Variants in TUBA1A observed in about 807,000 individuals in gnomAD.
TUBA1A encodes the protein tubulin alpha-1A chain.
TUBA1A carries 7 observed loss-of-function variants against 34.6 expected under a neutral mutation model. The observed-to-expected ratio is 0.20, with a 90% confidence interval of 0.11 to 0.38. The LOEUF (loss-of-function observed/expected upper bound fraction) is 0.38, where lower values mean the gene tolerates loss of function less well. Among genes scored for constraint, TUBA1A ranks in the 10% least tolerant of loss-of-function variants. TUBA1A has a pLI of 1.00. For missense variants in TUBA1A, 19 were observed against 581.3 expected, an observed-to-expected ratio of 0.03 and a Z score of 9.95; for synonymous variants, 193 against 210.2, an observed-to-expected ratio of 0.92 and a Z score of 0.71.
In TUBA1A at chr12:49,188,183, C is replaced by G; in HGVS notation, c.3+794G>C. 4.1e-6 allele frequency: 4 copies of G among 984,356 alleles called. No homozygotes were observed. The highest frequency in any genetic ancestry group is 4.8e-6 in the Non-Finnish European group (4 of 829,726). The allele number at this position is 984,356 out of a possible 1,614,324, so 61.0% of individuals were successfully genotyped here. A position where few individuals can be genotyped will look rare whatever the true frequency, so the allele number is the denominator to read the frequency against. ...GCTTGTGAAGTGAATTATGATTTTG[C>G]TCAAGAAAAAAAAAAGTCATCTAAC... On this transcript the variant is annotated intron_variant, in intron 1 of 3. Coordinates refer to ENST00000301071, the MANE Select transcript of TUBA1A (RefSeq NM_006009.4). This position sits in a 1 kb window ranked among gnomAD's most constrained non-coding sequence, Gnocchi z 4.9.
chr12:49,185,039 C>G lies in TUBA1A; in HGVS notation c.1327G>C (p.Glu443Gln). The G allele has an allele frequency of 6.2e-7, 1 of 1,614,212 alleles. No individual in the cohort carries two copies. The highest frequency in any genetic ancestry group is 8.5e-7 in the Non-Finnish European group (1 of 1,180,028). ...EEVGVDSVEGEGEEEGEEY is the reference protein window; with the variant it reads ...EEVGVDSVEGQGEEEGEEY ...TATTCCTCTCCTTCTTCCTCACCCT[C>G]TCCTTCAACAGAATCCACACCAACC... The change falls in exon 4 of 4, where the codon GAG (glutamate) becomes CAG (glutamine). Residue 443 changes from glutamate (E) to glutamine (Q), a missense_variant. By Grantham distance (29) the Glu-to-Gln change is conservative. Coordinates refer to ENST00000301071, the MANE Select transcript of TUBA1A (RefSeq NM_006009.4).
Position 49,188,716 on chromosome 12 carries a change from G to T in TUBA1A, c.3+261C>A, listed in dbSNP as rs1229555277. The T allele has an allele frequency of 4.2e-6, 6 of 1,444,112 alleles. No homozygotes were observed. The highest frequency in any genetic ancestry group is 5.4e-6 in the Non-Finnish European group (6 of 1,106,936). The allele number at this position is 1,444,112 out of a possible 1,614,324, so 89.5% of individuals were successfully genotyped here. ...TGCCCGCGGCCCCCGAAAGTCTCTCGGATAACACAGGCGCCTAGGCGCCGC... is the reference window on the plus strand; with the variant it reads ...TGCCCGCGGCCCCCGAAAGTCTCTCTGATAACACAGGCGCCTAGGCGCCGC... On this transcript the variant is annotated intron_variant, in intron 1 of 3. Transcript: ENST00000301071. This position sits in a 1 kb window ranked among gnomAD's most constrained non-coding sequence, Gnocchi z 4.9.
Position 49,189,068 on chromosome 12 carries a change from TAAGA to T in TUBA1A, c.-93_-90del. ...CAGCGCGACTCTTAGGCGGTCGATG[TAAGA>T]GAACCTGCGGCACATAGGCGGATGC... On this transcript the variant is annotated 5_prime_UTR_variant, in exon 1 of 4. Transcript: ENST00000301071. The T allele has an allele frequency of 6.4e-7, 1 of 1,555,890 alleles. No homozygotes were observed. Among genetic ancestry groups the T allele is most frequent in the Non-Finnish European group, 8.9e-7 (1 of 1,127,242 alleles).
chr12:49,185,724 A>G lies in TUBA1A; in HGVS notation c.642T>C (p.Arg214=), dbSNP rs771571589. 6.8e-6 allele frequency: 11 copies of G among 1,614,102 alleles called. No homozygotes were observed. Among genetic ancestry groups the G allele is most frequent in the Non-Finnish European group, 6.8e-6 (8 of 1,179,986 alleles). Residue 214 remains arginine (R), a synonymous_variant, in exon 4 of 4, where the codon CGT becomes CGC. Transcript: ENST00000301071. ...VDNEAIYDIC[R]RNLDIERPTY... ...TTGGACGCTCAATATCGAGGTTTCT[A>G]CGACAGATGTCATAGATGGCCTCAT...
rs1942184050 is a variant in TUBA1A, at chr12:49,186,574, C to T, written c.226+37G>A. On this transcript the variant is annotated intron_variant, in intron 2 of 3. Transcript: ENST00000301071. The surrounding 1 kb of genome is among the most constrained non-coding windows in gnomAD (Gnocchi z 6.6). ...CCAGGACAGACCTCCTGTCCCAGCA[C>T]CCTGGGATCTCACTTGGGTTACTGA... The T allele has an allele frequency of 6.2e-7, 1 of 1,612,506 alleles. No individual in the cohort carries two copies. The highest frequency in any genetic ancestry group is 8.5e-7 in the Non-Finnish European group (1 of 1,178,816).
At position 49,188,566 on chromosome 12, in the gene TUBA1A, C is replaced by CTT; in HGVS notation, c.3+410_3+411insAA. On this transcript the variant is annotated intron_variant, in intron 1 of 3. Coordinates refer to ENST00000301071, the MANE Select transcript of TUBA1A (RefSeq NM_006009.4). The surrounding 1 kb of genome is among the most constrained non-coding windows in gnomAD (Gnocchi z 4.9). ...CGCCCCCGCTCTTTTTGGGTGCCTC[C>CTT]TCCTCTCCCGGTCCCCAGAGAACAA... 1 of 1,479,572 alleles carries CTT rather than the reference C, an allele frequency of 6.8e-7. No individual in the cohort carries two copies. The highest frequency in any genetic ancestry group is 9.0e-7 in the Non-Finnish European group (1 of 1,116,544). The allele number at this position is 1,479,572 out of a possible 1,614,324, so 91.7% of individuals were successfully genotyped here. A position where few individuals can be genotyped will look rare whatever the true frequency, so the allele number is the denominator to read the frequency against.
chr12:49,188,731 C>T lies in TUBA1A; in HGVS notation c.3+246G>A. 1 of 1,454,296 alleles carries T rather than the reference C, an allele frequency of 6.9e-7. No homozygotes were observed. The highest frequency in any genetic ancestry group is 9.0e-7 in the Non-Finnish European group (1 of 1,112,706). The allele number at this position is 1,454,296 out of a possible 1,614,324, so 90.1% of individuals were successfully genotyped here. ...AAAGTCTCTCGGATAACACAGGCGCCTAGGCGCCGCCTTTGTTCCTCCCCA... is the reference window on the plus strand; with the variant it reads ...AAAGTCTCTCGGATAACACAGGCGCTTAGGCGCCGCCTTTGTTCCTCCCCA... On this transcript the variant is annotated intron_variant, in intron 1 of 3. Transcript: ENST00000301071. This position sits in a 1 kb window ranked among gnomAD's most constrained non-coding sequence, Gnocchi z 4.9.
intron 1 of TUBA1A, chr12:49,187,572 T>G: frequency 1.0e-6 from 1 of 984,786 alleles, no homozygotes; most frequent in Non-Finnish European, 1.2e-6. Flanking sequence ...GTATAATTCT[T>G]CTTTGTCTGT....
chr12:49,188,399 G>T lies in TUBA1A; in HGVS notation c.3+578C>A. ...GCCGCCCTGACACCCGCTGCCGGGG[G>T]CTCCGGCAGAAACTCACCATGTTTT... On this transcript the variant is annotated intron_variant, in intron 1 of 3. Coordinates refer to ENST00000301071, the MANE Select transcript of TUBA1A (RefSeq NM_006009.4). The surrounding 1 kb of genome is among the most constrained non-coding windows in gnomAD (Gnocchi z 4.9). 1 of 1,535,426 alleles carries T rather than the reference G, an allele frequency of 6.5e-7. No homozygotes were observed. The highest frequency in any genetic ancestry group is 8.7e-7 in the Non-Finnish European group (1 of 1,146,534).
At position 49,188,226 on chromosome 12, in the gene TUBA1A, A is replaced by T. The variant is rs1159130509; in HGVS notation, c.3+751T>A. ...CATCTAACTTATAATAGTGAAGAAA[A>T]CCCTTTTGGAGCCTACAGTTCCGCA... is the stretch of plus-strand genomic sequence containing the variant. On this transcript the variant is annotated intron_variant, in intron 1 of 3. Transcript: ENST00000301071. This position sits in a 1 kb window ranked among gnomAD's most constrained non-coding sequence, Gnocchi z 4.9. The T allele has an allele frequency of 7.0e-5, 69 of 984,602 alleles. No homozygotes were observed. Among genetic ancestry groups the T allele is most frequent in the Non-Finnish European group, 7.7e-5 (64 of 829,716 alleles). 61.0% of individuals were successfully genotyped at this position (984,602 alleles called of 1,614,324 possible). A position where few individuals can be genotyped will look rare whatever the true frequency, so the allele number is the denominator to read the frequency against.
At position 49,188,246 on chromosome 12, in the gene TUBA1A, T is replaced by A; in HGVS notation, c.3+731A>T. 1.0e-6 allele frequency: 1 copy of A among 984,642 alleles called. No individual in the cohort carries two copies. The highest frequency in any genetic ancestry group is 1.2e-6 in the Non-Finnish European group (1 of 829,354). 61.0% of individuals were successfully genotyped at this position (984,642 alleles called of 1,614,324 possible). On this transcript the variant is annotated intron_variant, in intron 1 of 3. Coordinates refer to ENST00000301071, the MANE Select transcript of TUBA1A (RefSeq NM_006009.4). The surrounding 1 kb of genome is among the most constrained non-coding windows in gnomAD (Gnocchi z 4.9). ...AGAAAACCCTTTTGGAGCCTACAGT[T>A]CCGCAATGATGAAAGGTTTTTTTGT... is the stretch of plus-strand genomic sequence containing the variant.
At position 49,186,307 on chromosome 12, in the gene TUBA1A, T is replaced by C. The variant is rs3178849; in HGVS notation, c.375+3A>G. 1.2e-6 allele frequency: 2 copies of C among 1,613,130 alleles called. No individual in the cohort carries two copies. Among genetic ancestry groups the C allele is most frequent in the South Asian group, 1.1e-5 (1 of 91,040 alleles). ...TTTACTTTATTCTTGAAAAGAAACA[T>C]ACCAGCTTGCGAATTCGGTCCAACA... On this transcript the variant is annotated splice_donor_region_variant and intron_variant, in intron 3 of 3. Transcript: ENST00000301071. The surrounding 1 kb of genome is among the most constrained non-coding windows in gnomAD (Gnocchi z 6.6).
chr12:49,184,810 G>T lies in TUBA1A; in HGVS notation c.*200C>A. 1.2e-6 allele frequency: 1 copy of T among 816,236 alleles called. No homozygotes were observed. Among genetic ancestry groups the T allele is most frequent in the Non-Finnish European group, 1.9e-6 (1 of 515,652 alleles). 50.6% of individuals were successfully genotyped at this position (816,236 alleles called of 1,614,324 possible). On this transcript the variant is annotated 3_prime_UTR_variant, in exon 4 of 4. Coordinates refer to ENST00000301071, the MANE Select transcript of TUBA1A (RefSeq NM_006009.4). Reference sequence around the variant, plus strand: ...CAGGACTGAATTCATTTAAGACAGGGAATACTTTATTCAAAACCCATCACA... The same window carrying T: ...CAGGACTGAATTCATTTAAGACAGGTAATACTTTATTCAAAACCCATCACA...
rs747314050 is a variant in TUBA1A at position 49,186,862 on chromosome 12, A to ATTT, written c.4-30_4-29insAAA. The ATTT allele has an allele frequency of 9.9e-5, 159 of 1,613,922 alleles. No homozygotes were observed. The highest frequency in any genetic ancestry group is 1.3e-4 in the Non-Finnish European group (155 of 1,180,030). ...TGGGGAGGAAAAGTGAAAAAATCGT[A>ATTT]AAATTAAGGTGTATTAGCATTTCAA... On this transcript the variant is annotated intron_variant, in intron 1 of 3. Transcript: ENST00000301071. This position sits in a 1 kb window ranked among gnomAD's most constrained non-coding sequence, Gnocchi z 6.6.
chr12:49,187,474 T>G lies in TUBA1A; in HGVS notation c.4-641A>C, dbSNP rs1024757176. On this transcript the variant is annotated intron_variant, in intron 1 of 3. Transcript: ENST00000301071. ...ATCTCATTGTGCTGTTTTGCCAGTT[T>G]TCCTCCTCTGACCCCGCCCGGGACC... 1.3e-5 allele frequency: 13 copies of G among 986,332 alleles called. No individual in the cohort carries two copies. In the African/African-American group the frequency reaches 2.3e-4, roughly 17 times the overall value. The allele number at this position is 986,332 out of a possible 1,614,324, so 61.1% of individuals were successfully genotyped here.
In TUBA1A at chr12:49,188,663, C is replaced by A; in HGVS notation, c.3+314G>T. The A allele has an allele frequency of 7.0e-7, 1 of 1,438,790 alleles. No homozygotes were observed. 89.1% of individuals were successfully genotyped at this position (1,438,790 alleles called of 1,614,324 possible). ...AGACACGGGGCCCAGCCGGGACGCCCCAGACCCCTCGGTCGCGGCAGACGG... is the reference window on the plus strand; with the variant it reads ...AGACACGGGGCCCAGCCGGGACGCCACAGACCCCTCGGTCGCGGCAGACGG... On this transcript the variant is annotated intron_variant, in intron 1 of 3. Coordinates refer to ENST00000301071, the MANE Select transcript of TUBA1A (RefSeq NM_006009.4). The surrounding 1 kb of genome is among the most constrained non-coding windows in gnomAD (Gnocchi z 4.9).
Position 49,185,379 on chromosome 12 carries a change from A to G in TUBA1A, c.987T>C (p.Asn329=), listed in dbSNP as rs1413523962. ...YRGDVVPKDV[N]AAIATIKTKR... ...TGGTCTTGATGGTGGCAATGGCAGC[A>G]TTGACATCTTTGGGAACCACGTCAC... is the stretch of plus-strand genomic sequence containing the variant. The change falls in exon 4 of 4, where the codon AAT becomes AAC. Residue 329 remains asparagine, a synonymous_variant. Transcript: ENST00000301071. The G allele has an allele frequency of 6.2e-7, 1 of 1,614,072 alleles. No individual in the cohort carries two copies. The highest frequency in any genetic ancestry group is 8.5e-7 in the Non-Finnish European group (1 of 1,180,036).
At position 49,186,792 on chromosome 12, in the gene TUBA1A, C is replaced by T. The variant is rs61730858; in HGVS notation, c.45G>A (p.Gln15=). The part of the protein sequence containing the change: ...ISIHVGQAGV[Q]IGNACWELYC... ...AGAGCTCCCAGCAGGCATTGCCAAT[C>T]TGGACACCAGCCTGGCCAACGTGGA... Residue 15 remains glutamine, a synonymous_variant, in exon 2 of 4, where the codon CAG becomes CAA. Coordinates refer to ENST00000301071, the MANE Select transcript of TUBA1A (RefSeq NM_006009.4). This position sits in a 1 kb window ranked among gnomAD's most constrained non-coding sequence, Gnocchi z 6.6. 1 of 1,614,240 alleles carries T rather than the reference C, an allele frequency of 6.2e-7. No individual in the cohort carries two copies. Among genetic ancestry groups the T allele is most frequent in the Admixed American group, 1.7e-5 (1 of 60,032 alleles).
intron 1 of TUBA1A, chr12:49,187,720 G>C (rs937348221): frequency 1.8e-5 from 16 of 889,046 alleles, no homozygotes; most frequent in Non-Finnish European, 1.9e-5. Flanking sequence ...ACATGAAAAG[G>C]TACCAAAGAA....
Sources: allele counts gnomAD v4.1 joint callset, GRCh38; gene constraint gnomAD v4.1.1; non-coding constraint Gnocchi (gnomAD v3.1); transcripts MANE v1.5; gene names NCBI Gene and HGNC (gene_info 2026-07-23, HGNC 2026-07-21).